NIPBL: variants seen among roughly 807,000 people sequenced by gnomAD.
NIPBL encodes the protein NIPBL cohesin loading factor.
In NIPBL, 19 loss-of-function variants were observed where a neutral mutation model predicts 321.8. The observed-to-expected ratio is 0.06, with a 90% CI of 0.04 to 0.09. The LOEUF (loss-of-function observed/expected upper bound fraction) is 0.09, where lower values mean the gene tolerates loss of function less well. Ranked by LOEUF, NIPBL falls within the 10% of genes least tolerant of loss-of-function variation. The probability of loss-of-function intolerance (pLI) is 1.00; values close to 1 mark genes in which losing one functional copy is unlikely to be tolerated. For missense variants in NIPBL, 2,210 were observed against 3,327.0 expected (o/e 0.66, Z 8.26); for synonymous variants, 1,106 against 1,114.1 (o/e 0.99, Z 0.14).
At chr5:37,040,834 T>C (rs971445398) in intron 34 of NIPBL, among the ~76,000 whole-genome samples, 4 of 152,186 alleles carry the variant, frequency 2.6e-5, no homozygotes, top group African/African-American at 9.6e-5. Flanking sequence ...GTGACAATCA[T>C]TGTCATTATT....
At chr5:36,904,314 C>A (rs1747461504) in intron 1 of NIPBL, among the ~76,000 whole-genome samples, 1 of 152,080 alleles carries the variant, frequency 6.6e-6, no homozygotes, top group African/African-American at 2.4e-5. Flanking sequence ...GCTAAAAATT[C>A]AAAAAATTAG....
rs908047710 is a variant in NIPBL, at chr5:37,052,507, A to C, written c.7204A>C (p.Asn2402His). The C allele has an allele frequency of 1.2e-6, 2 of 1,614,184 alleles. No individual in the cohort carries two copies. Among genetic ancestry groups the C allele is most frequent in the Non-Finnish European group, 1.7e-6 (2 of 1,180,020 alleles). The change falls in exon 42 of 47, where the codon AAC (asparagine) becomes CAC (histidine). Residue 2402 changes from asparagine (N) to histidine (H), a missense_variant. Around this residue, in one of 14 missense-constraint regions of NIPBL, gnomAD observed 112 missense variants for 288.3 expected, o/e 0.39. Transcript: ENST00000282516. ...ACACCTTTACTCCATGATCCGTGGAAACCGCCAACACAGACGAGCCTTTCT... is the reference window on the plus strand; with the variant it reads ...ACACCTTTACTCCATGATCCGTGGACACCGCCAACACAGACGAGCCTTTCT... ...CSHLYSMIRG[N>H]RQHRRAFLIS...
chr5:36,971,908 TG>T, intron 7 of NIPBL, 36 bp from the exon 8 acceptor site: 8 of 1,580,006 alleles, frequency 5.1e-6, no homozygotes, highest in Non-Finnish European at 7.0e-6. Context: ...AAGCCTCTCC[TG>T]TCATTCAAAA....
intron 1 of NIPBL, among the ~76,000 whole-genome samples, chr5:36,881,809 A>C (rs1745526823): frequency 6.6e-6 from 1 of 152,024 alleles, no homozygotes; most frequent in Admixed American, 6.6e-5. Flanking sequence ...AAAAATCAAT[A>C]ACTCTTTACC....
intron 34 of NIPBL, among the ~76,000 whole-genome samples, chr5:37,041,252 GTTTTTTTTT>G (rs1163179336): frequency 3.1e-5 from 2 of 64,006 alleles, no homozygotes; most frequent in African/African-American, 1.8e-4. Context: ...TTATGTGGTG[GTTTTTTTTT>G]TTTTTTTTTT....
intron 1 of NIPBL, among the ~76,000 whole-genome samples, chr5:36,897,568 T>G (rs1746850991): frequency 1.3e-5 from 2 of 152,148 alleles, no homozygotes. Flanking sequence ...TAAACAAACT[T>G]ACGCACATAT....
At position 37,001,046 on chromosome 5, in the gene NIPBL, A is replaced by T; in HGVS notation, c.3632A>T (p.Asp1211Val). The T allele has an allele frequency of 6.2e-7, 1 of 1,611,054 alleles. No homozygotes were observed. Among genetic ancestry groups the T allele is most frequent in the Non-Finnish European group, 8.5e-7 (1 of 1,178,286 alleles). ...RFTASIENILDNLEDMDFTAF... is the reference protein window; with the variant it reads ...RFTASIENILVNLEDMDFTAF... ...ACAGCCTCAATAGAGAATATTTTGG[A>T]TAATTTGGAAGATATGGATTTTACT... Residue 1211 changes from aspartate to valine, a missense_variant, in exon 14 of 47, where the codon GAT (aspartate) becomes GTT (valine). Physicochemically the swap from Asp to Val is radical, Grantham distance 152. Around this residue, in one of 14 missense-constraint regions of NIPBL, gnomAD observed 381 missense variants for 642.3 expected, o/e 0.59. Coordinates refer to ENST00000282516, the MANE Select transcript of NIPBL (RefSeq NM_133433.4).
At chr5:37,024,967 C>T (rs1444336850) in intron 30 of NIPBL, among the ~76,000 whole-genome samples, 3 of 152,178 alleles carry the variant, frequency 2.0e-5, no homozygotes, top group Admixed American at 6.5e-5. Flanking sequence ...CATAGTAGCT[C>T]ATGCCTATAA....
intron 1 of NIPBL, among the ~76,000 whole-genome samples, chr5:36,923,058 G>T (rs1291197284): frequency 1.3e-5 from 2 of 152,150 alleles, no homozygotes; most frequent in Admixed American, 1.3e-4. Context: ...GGAGGCCGAG[G>T]CGGGCGGATC....
chr5:36,890,282 G>A (rs1746222082), intron 1 of NIPBL, among the ~76,000 whole-genome samples: 1 of 152,282 alleles, frequency 6.6e-6, no homozygotes, highest in East Asian at 1.9e-4. Context: ...TTCGCTTAGA[G>A]TAGAATCTCT....
intron 1 of NIPBL, among the ~76,000 whole-genome samples, chr5:36,909,998 C>G (rs1047989393): frequency 1.3e-5 from 2 of 151,766 alleles, no homozygotes; most frequent in Non-Finnish European, 2.9e-5. Context: ...ATCACTTGAA[C>G]CTGGGAGGCA....
chr5:36,980,512 TTACTC>T (rs779944773), intron 9 of NIPBL, among the ~76,000 whole-genome samples: 1 of 151,658 alleles, frequency 6.6e-6, no homozygotes, highest in African/African-American at 2.4e-5. Context: ...TATTGTATAT[TTACTC>T]TACCTTTTTT....
chr5:36,984,684 T>C lies in NIPBL; in HGVS notation c.1504T>C (p.Leu502=). 2 of 1,610,412 alleles carry C rather than the reference T, an allele frequency of 1.2e-6. No individual in the cohort carries two copies. Among genetic ancestry groups the C allele is most frequent in the Non-Finnish European group, 1.7e-6 (2 of 1,178,780 alleles). Residue 502 remains leucine, a synonymous_variant, in exon 10 of 47, where the codon TTG becomes CTG. Transcript: ENST00000282516. The part of the protein sequence containing the change: ...SKEVQDKDKP[L]KKRKQDSYPQ... The stretch of plus-strand genomic sequence containing the variant: ...TTATCTTTAAATTTCAGATAAGCCT[T>C]TGAAAAAAAGAAAACAAGATTCTTA...
chr5:36,957,408 C>G (rs1486274079), intron 3 of NIPBL, among the ~76,000 whole-genome samples: 1 of 152,144 alleles, frequency 6.6e-6, no homozygotes, highest in Non-Finnish European at 1.5e-5. Context: ...CACTCATATT[C>G]AGGTGTAAGA....
intron 19 of NIPBL, 137 bp downstream of exon 19, chr5:37,008,225 A>G (rs961713810): frequency 9.1e-6 from 6 of 655,828 alleles, no homozygotes; most frequent in Admixed American, 2.6e-5. Flanking sequence ...TATTTTACTA[A>G]GTCTTATTAG....
chr5:37,027,388 C>T lies in NIPBL; in HGVS notation c.5838C>T (p.Asp1946=). The T allele has an allele frequency of 6.2e-7, 1 of 1,612,958 alleles. No homozygotes were observed. The highest frequency in any genetic ancestry group is 1.1e-5 in the South Asian group (1 of 91,050). ...CAGCATGCAGAGATACTGGATATGACTGGTTTGAGCAACTGCTTCAAAACG... is the reference window on the plus strand; with the variant it reads ...CAGCATGCAGAGATACTGGATATGATTGGTTTGAGCAACTGCTTCAAAACG... ...VVAACRDTGY[D]WFEQLLQNLL... The change falls in exon 32 of 47, where the codon GAC becomes GAT. Residue 1946 remains aspartate (D), a synonymous_variant. Transcript: ENST00000282516.
chr5:37,059,309 C>G, intron 44 of NIPBL, 144 bp downstream of exon 44: 1 of 776,858 alleles, frequency 1.3e-6, no homozygotes, highest in Non-Finnish European at 2.1e-6. Flanking sequence ...GAGTTCGAGA[C>G]CAGCCTGGCC....
At chr5:36,963,103 T>C (rs1385427296) in intron 6 of NIPBL, among the ~76,000 whole-genome samples, 1 of 152,156 alleles carries the variant, frequency 6.6e-6, no homozygotes, top group Non-Finnish European at 1.5e-5. Context: ...AATGTCATAA[T>C]GTTGATATTA....
intron 10 of NIPBL, among the ~76,000 whole-genome samples, chr5:36,994,721 G>T (rs1745936062): frequency 6.6e-6 from 1 of 152,074 alleles, no homozygotes; most frequent in Admixed American, 6.6e-5. Flanking sequence ...ATCCGAATAA[G>T]TAGCTTTTGC....
Sources: gnomAD v4.1 joint callset for allele counts (sites outside exome capture counted in the v4.1 genomes callset) on GRCh38, gnomAD v4.1.1 for gene constraint, gnomAD v4.1.1 regional missense constraint, MANE v1.5 for transcripts, NCBI Gene and HGNC (gene_info 2026-07-23, HGNC 2026-07-21) for gene names.